PLXNA4: variants seen among roughly 807,000 people sequenced by gnomAD.
PLXNA4 encodes the protein plexin A4.
A neutral mutation model predicts 191.8 loss-of-function variants in PLXNA4; 44 were observed. The ratio of observed to expected loss-of-function variants is 0.23; its 90% confidence interval spans 0.18 to 0.29. The LOEUF is 0.29. PLXNA4 is among the 10% of genes least tolerant of loss of function. PLXNA4 has a pLI of 1.00. For synonymous variants in PLXNA4, 1,082 were observed against 1,009.5 expected (o/e 1.07, Z -1.36); for missense variants, 1,800 against 2,488.8 (o/e 0.72, Z 5.89).
chr7:132,576,407 G>A lies in PLXNA4; in HGVS notation c.-87+15C>T, dbSNP rs1042956439. 21 of 985,622 alleles carry A rather than the reference G, an allele frequency of 2.1e-5. No individual in the cohort carries two copies. The highest frequency in any genetic ancestry group is 2.5e-5 in the Non-Finnish European group (21 of 829,972). The allele number at this position is 985,622 out of a possible 1,614,324, so 61.1% of individuals were successfully genotyped here. A position where few individuals can be genotyped will look rare whatever the true frequency, so the allele number is the denominator to read the frequency against. On this transcript the variant is annotated intron_variant, in intron 1 of 31. Coordinates refer to ENST00000321063, the MANE Select transcript of PLXNA4 (RefSeq NM_020911.2). The surrounding 1 kb of genome is among the most constrained non-coding windows in gnomAD (Gnocchi z 5.8). ...CGCCCGCCCGGCCCCACTCCCCGGC[G>A]GGCCGGCTCCTTACCTGGACGCGCC...
intron 1 of PLXNA4, among the ~76,000 whole-genome samples, chr7:132,511,978 C>T (rs1237816852): frequency 6.6e-6 from 1 of 152,326 alleles, no homozygotes. Flanking sequence ...CCATCCCATG[C>T]TCTTTCCACC....
intron 3 of PLXNA4, among the ~76,000 whole-genome samples, chr7:132,418,947 G>T (rs1165891959): frequency 6.6e-6 from 1 of 152,160 alleles, no homozygotes; most frequent in Non-Finnish European, 1.5e-5. Context: ...TTGTATCCGT[G>T]ACACTTTTGG....
In PLXNA4 at chr7:132,227,528, T is replaced by C; in HGVS notation, c.1805A>G (p.Asp602Gly). 6.2e-7 allele frequency: 1 copy of C among 1,614,136 alleles called. No individual in the cohort carries two copies. ...NCTFEDLSEM[D>G]GLVVGNQIQC... ...GATCTGATTGCCCACGACCAGCCCATCCATCTCTGACAGGTCCTCAAAGGT... is the reference window on the plus strand; with the variant it reads ...GATCTGATTGCCCACGACCAGCCCACCCATCTCTGACAGGTCCTCAAAGGT... The change falls in exon 7 of 32, where the codon GAT becomes GGT. Residue 602 changes from aspartate (D) to glycine (G), a missense_variant. Asp to Gly is a moderately conservative substitution (Grantham distance 94). Transcript: ENST00000321063.
chr7:132,229,327 C>A (rs907508869), intron 5 of PLXNA4, among the ~76,000 whole-genome samples: 7 of 152,146 alleles, frequency 4.6e-5, no homozygotes, highest in African/African-American at 1.4e-4. Context: ...ATCTTGCAGT[C>A]CTAGCTGATG....
chr7:132,551,992 G>T (rs980711952), intron 1 of PLXNA4, among the ~76,000 whole-genome samples: 5 of 152,114 alleles, frequency 3.3e-5, no homozygotes, highest in Non-Finnish European at 7.3e-5. Context: ...TGAAGGGGGT[G>T]GGGGGAAGGA....
At chr7:132,228,711 C>T (rs540910102) in intron 5 of PLXNA4, among the ~76,000 whole-genome samples, 18 of 152,350 alleles carry the variant, frequency 1.2e-4, no homozygotes, top group Admixed American at 1.3e-4. Flanking sequence ...CCTAACTCCC[C>T]TCATCCTCTC....
At chr7:132,257,508 T>C (rs149380868) in intron 4 of PLXNA4, among the ~76,000 whole-genome samples, 1 of 152,208 alleles carries the variant, frequency 6.6e-6, no homozygotes, top group Non-Finnish European at 1.5e-5. Context: ...TTACCAATTA[T>C]GGAATTGTTT....
chr7:132,449,840 C>T (rs911918752), intron 3 of PLXNA4, among the ~76,000 whole-genome samples: 43 of 152,222 alleles, frequency 2.8e-4, no homozygotes, highest in African/African-American at 9.9e-4. Context: ...AATGGGTGTT[C>T]GCCTTGGGGG....
chr7:132,296,907 G>A (rs1057057484), intron 4 of PLXNA4, among the ~76,000 whole-genome samples: 1 of 152,112 alleles, frequency 6.6e-6, no homozygotes, highest in Non-Finnish European at 1.5e-5. Context: ...CCATTCCCAA[G>A]CCATGGCAGC....
intron 4 of PLXNA4, among the ~76,000 whole-genome samples, chr7:132,251,989 G>T (rs928723908): frequency 6.6e-6 from 1 of 152,204 alleles, no homozygotes; most frequent in African/African-American, 2.4e-5. Context: ...ACTCTCAGAA[G>T]ACCAGGTGCT....
chr7:132,386,504 A>G (rs1474066144), intron 3 of PLXNA4, among the ~76,000 whole-genome samples: 1 of 152,128 alleles, frequency 6.6e-6, no homozygotes, highest in Non-Finnish European at 1.5e-5. Flanking sequence ...CTTTCTCAGA[A>G]GTGGGGCAGG....
rs761890356 is a variant in PLXNA4 at position 132,164,124 on chromosome 7, A to T, written c.4500+18T>A. On this transcript the variant is annotated intron_variant, in intron 24 of 31. Transcript: ENST00000321063. ...CCCGCCTGTCAAAGCCCCAGGGGAA[A>T]CAGATGGGTGGGCTCACCAGGGTTT... is the stretch of plus-strand genomic sequence containing the variant. 1.4e-5 allele frequency: 23 copies of T among 1,613,164 alleles called. No homozygotes were observed. The highest frequency in any genetic ancestry group is 1.7e-5 in the Non-Finnish European group (20 of 1,179,988).
intron 3 of PLXNA4, among the ~76,000 whole-genome samples, chr7:132,462,379 C>T (rs756230857): frequency 5.9e-5 from 9 of 152,088 alleles, no homozygotes; most frequent in Non-Finnish European, 1.2e-4. Context: ...AACCAGGAAG[C>T]TTAAAGACAA....
At chr7:132,439,013 A>G (rs1260141424) in intron 3 of PLXNA4, among the ~76,000 whole-genome samples, 1 of 152,200 alleles carries the variant, frequency 6.6e-6, no homozygotes, top group South Asian at 2.1e-4. Context: ...TGCAATTATT[A>G]CCGTGTATAA....
Position 132,507,743 on chromosome 7 carries a change from T to C in PLXNA4, c.951A>G (p.Lys317=). 6.2e-7 allele frequency: 1 copy of C among 1,614,112 alleles called. No individual in the cohort carries two copies. Among genetic ancestry groups the C allele is most frequent in the Non-Finnish European group, 8.5e-7 (1 of 1,180,024 alleles). Reference sequence around the variant, plus strand: ...GGGTCCTGCCAAGCACGGCCCCCGCTTTGGACAGGTAGGCAGCCTGCAGCA... The same window carrying C: ...GGGTCCTGCCAAGCACGGCCCCCGCCTTGGACAGGTAGGCAGCCTGCAGCA... ...YRLLQAAYLS[K]AGAVLGRTLG... The change falls in exon 2 of 32, where the codon AAA becomes AAG. Residue 317 remains lysine, a synonymous_variant. Transcript: ENST00000321063.
chr7:132,343,610 T>C (rs1042064899), intron 3 of PLXNA4, among the ~76,000 whole-genome samples: 1 of 152,152 alleles, frequency 6.6e-6, no homozygotes, highest in African/African-American at 2.4e-5. Context: ...GAGAGTAAGA[T>C]TTGGCTTCCC....
chr7:132,525,939 G>C (rs78594528), intron 1 of PLXNA4, among the ~76,000 whole-genome samples: 3,917 of 152,218 alleles, frequency 0.026, 174 homozygotes, highest in African/African-American at 0.088. Context: ...AAACTTGTTT[G>C]ACCAAGGAAG....
rs548820675 is a variant in PLXNA4, at chr7:132,284,210, A to C, written c.1503+13881T>G. Among the ~76,000 whole-genome samples the C allele has an allele frequency of 4.6e-5, 7 of 152,330 alleles. No homozygotes were observed. In the East Asian group the frequency reaches 1.3e-3, roughly 29 times the overall value. ...TCTCTACATATCTATACATCTGCTC[A>C]ACTCAGATTTGCTCAAACATATTTG... On this transcript the variant is annotated intron_variant, in intron 4 of 31. Transcript: ENST00000321063.
At chr7:132,547,838 G>A (rs547537497) in intron 1 of PLXNA4, among the ~76,000 whole-genome samples, 16 of 152,236 alleles carry the variant, frequency 1.1e-4, no homozygotes, top group South Asian at 2.1e-4. Flanking sequence ...TCAGCTTCAC[G>A]CAGCAGCTTG....
Sources: gnomAD v4.1 joint callset for allele counts (sites outside exome capture counted in the v4.1 genomes callset) on GRCh38, gnomAD v4.1.1 for gene constraint, Gnocchi (gnomAD v3.1) non-coding constraint, MANE v1.5 for transcripts, NCBI Gene and HGNC (gene_info 2026-07-23, HGNC 2026-07-21) for gene names.